Variants in PTK2 observed in about 807,000 individuals in gnomAD.
The protein encoded by PTK2 is focal adhesion kinase 1.
Under a neutral mutation model 150.1 loss-of-function variants are expected in PTK2, and 45 were observed. The ratio of observed to expected loss-of-function variants is 0.30; its 90% CI spans 0.24 to 0.38. The LOEUF (loss-of-function observed/expected upper bound fraction) is 0.38. Ranked by LOEUF, PTK2 falls within the 10% of genes least tolerant of loss-of-function variation. The probability of loss-of-function intolerance (pLI) is 1.00; values close to 1 mark genes in which losing one functional copy is unlikely to be tolerated. For synonymous variants in PTK2, 432 were observed against 449.2 expected (o/e 0.96, Z 0.48); for missense variants, 919 against 1,307.3 (o/e 0.70, Z 4.58).
At chr8:140,895,013 A>G (rs779119972) in intron 2 of PTK2, among the ~76,000 whole-genome samples, 8 of 152,200 alleles carry the variant, frequency 5.3e-5, no homozygotes, top group African/African-American at 7.2e-5. Context: ...GATTCAATAA[A>G]TATCAAGGGA....
intron 29 of PTK2, among the ~76,000 whole-genome samples, chr8:140,670,491 ACACACACACACACAC>A (rs1443808480): frequency 0.1 from 2,490 of 24,878 alleles, 390 homozygotes; most frequent in African/African-American, 0.21. Flanking sequence ...AAACAACAAC[ACACACACACACACAC>A]ACACACACAC....
intron 1 of PTK2, among the ~76,000 whole-genome samples, chr8:140,987,797 C>T (rs894708647): frequency 1.3e-5 from 2 of 152,146 alleles, no homozygotes; most frequent in African/African-American, 4.8e-5. Flanking sequence ...GACCCCAGCA[C>T]TTTGGAATGC....
chr8:140,943,691 G>A (rs548162280), intron 1 of PTK2, among the ~76,000 whole-genome samples: 1 of 152,308 alleles, frequency 6.6e-6, no homozygotes, highest in South Asian at 2.1e-4. Context: ...ACTTCCACCA[G>A]CAAAGCAGGA....
At chr8:140,809,324 T>C (rs2100100060) in intron 10 of PTK2, among the ~76,000 whole-genome samples, 1 of 152,150 alleles carries the variant, frequency 6.6e-6, no homozygotes, top group Non-Finnish European at 1.5e-5. Flanking sequence ...TAGACAGACC[T>C]TTACAAGTCT....
chr8:140,957,060 A>G lies in PTK2; in HGVS notation c.-121-31311T>C, dbSNP rs181036216. Among the ~76,000 whole-genome samples, 14 of 152,226 alleles carry G rather than the reference A, an allele frequency of 9.2e-5. No homozygotes were observed. In the East Asian group the frequency reaches 2.3e-3, roughly 25 times the overall value. ...TGGGCAACAAGAGCAAAACTCCATC[A>G]CAAAAACAAACAAACAAACAAATGA... On this transcript the variant is annotated intron_variant, in intron 1 of 31. Coordinates refer to ENST00000522684, the Ensembl canonical transcript of PTK2.
intron 10 of PTK2, among the ~76,000 whole-genome samples, chr8:140,804,376 C>T (rs182792800): frequency 2.2e-4 from 34 of 151,822 alleles, no homozygotes; most frequent in African/African-American, 7.5e-4. Flanking sequence ...TCCCTTGAGG[C>T]CAGGAGTTCA....
chr8:140,962,455 CT>C (rs2100183651), intron 1 of PTK2, among the ~76,000 whole-genome samples: 1 of 152,158 alleles, frequency 6.6e-6, no homozygotes, highest in African/African-American at 2.4e-5. Flanking sequence ...ACTATGCCTA[CT>C]ACAAACACAC....
At chr8:140,890,057 G>A (rs1328100898) in intron 3 of PTK2, among the ~76,000 whole-genome samples, 8 of 152,160 alleles carry the variant, frequency 5.3e-5, no homozygotes, top group African/African-American at 1.9e-4. Context: ...GCTCTAAGCT[G>A]TAAGATCAAG....
intron 1 of PTK2, among the ~76,000 whole-genome samples, chr8:140,983,456 A>C (rs931151084): frequency 2.6e-5 from 4 of 152,050 alleles, no homozygotes; most frequent in Admixed American, 2.6e-4. Context: ...TATTCACCTA[A>C]AGGAATACTA....
intron 2 of PTK2, among the ~76,000 whole-genome samples, chr8:140,917,522 A>T (rs1362817495): frequency 6.6e-6 from 1 of 152,206 alleles, no homozygotes; most frequent in African/African-American, 2.4e-5. Context: ...AAAAGAAAAC[A>T]CAAACTCAAT....
chr8:140,745,764 C>T (rs888398035), intron 18 of PTK2, among the ~76,000 whole-genome samples: 14 of 152,080 alleles, frequency 9.2e-5, no homozygotes, highest in African/African-American at 3.1e-4. Context: ...CTTTGGAAGG[C>T]CAAGGCAGGC....
At chr8:140,693,542 C>A in intron 26 of PTK2, among the ~76,000 whole-genome samples, 1 of 125,174 alleles carries the variant, frequency 8.0e-6, no homozygotes, top group Non-Finnish European at 1.6e-5. Context: ...GCCAGGGCCA[C>A]AGAGTGAGAC....
At chr8:140,918,302 C>G (rs1411783636) in intron 2 of PTK2, among the ~76,000 whole-genome samples, 16 of 152,152 alleles carry the variant, frequency 1.1e-4, no homozygotes, top group Admixed American at 1.0e-3. Context: ...CAGGATTTAA[C>G]AACCAAATAT....
At chr8:140,757,978 A>G (rs1229514770) in intron 16 of PTK2, among the ~76,000 whole-genome samples, 1 of 152,258 alleles carries the variant, frequency 6.6e-6, no homozygotes, top group Non-Finnish European at 1.5e-5. Context: ...TATAGTGATT[A>G]ATACATGATA....
At chr8:140,888,940 T>A (rs1042287412) in intron 3 of PTK2, among the ~76,000 whole-genome samples, 4 of 152,162 alleles carry the variant, frequency 2.6e-5, no homozygotes, top group Non-Finnish European at 4.4e-5. Flanking sequence ...TAAAGTTACA[T>A]CTACAAGGTT....
intron 15 of PTK2, among the ~76,000 whole-genome samples, chr8:140,763,209 C>A (rs1349958196): frequency 6.6e-6 from 1 of 152,216 alleles, no homozygotes; most frequent in Non-Finnish European, 1.5e-5. Flanking sequence ...CATGGGCCCA[C>A]AGGGCACAAT....
At chr8:140,669,678 G>A in intron 29 of PTK2, 49 bp downstream of exon 33, 1 of 1,521,580 alleles carries the variant, frequency 6.6e-7, no homozygotes, top group Non-Finnish European at 8.8e-7. Context: ...CAGAGAGCCG[G>A]GTGTGATAGA....
chr8:140,833,815 T>G (rs1308085030), intron 7 of PTK2, among the ~76,000 whole-genome samples: 1 of 152,198 alleles, frequency 6.6e-6, no homozygotes, highest in Non-Finnish European at 1.5e-5. Flanking sequence ...CTAACTCACA[T>G]GAAGCTTTTA....
intron 15 of PTK2, among the ~76,000 whole-genome samples, chr8:140,763,819 G>T (rs550936224): frequency 6.6e-6 from 1 of 152,222 alleles, no homozygotes; most frequent in African/African-American, 2.4e-5. Context: ...TTGAATATAT[G>T]TGTGTGAAAG....
Sources: allele counts gnomAD v4.1 joint callset (sites outside exome capture counted in the v4.1 genomes callset), GRCh38; gene constraint gnomAD v4.1.1; transcripts MANE v1.5; gene names NCBI Gene and HGNC (gene_info 2026-07-23, HGNC 2026-07-21).